The following NDUFA3 variants were observed in gnomAD, a reference collection of about 807,000 sequenced individuals.
NDUFA3 encodes the protein NADH dehydrogenase [ubiquinone] 1 alpha subcomplex subunit 3.
NDUFA3 carries 10 observed loss-of-function variants against 11.4 expected under a neutral mutation model. That is an observed-to-expected ratio of 0.87 (90% CI 0.54 to 1.48). The LOEUF is 1.48. Ranked by LOEUF, NDUFA3 falls within the 40% of genes most tolerant of loss-of-function variation. The pLI is 0.00. For missense variants in NDUFA3, 115 were observed against 110.5 expected (o/e 1.04, Z -0.18); for synonymous variants, 39 against 46.9 (o/e 0.83, Z 0.68).
intron 3 of NDUFA3, chr19:54,106,594 C>T: frequency 2.0e-6 from 1 of 488,008 alleles, no homozygotes; most frequent in Non-Finnish European, 3.6e-6. Flanking sequence ...GACCCTAGCT[C>T]TCTAGTGCGC....
In NDUFA3 at chr19:54,107,247, ATTTTGTTTTGC is replaced by A. The variant is rs2073296195; in HGVS notation, c.*350_*360del. Reference sequence around the variant, plus strand: ...CATCAGCTTCACCATTTTTGTTTTCATTTTGTTTTGCTTTTTAAAGAGACAGGGTCTCACTC... The same window carrying A: ...CATCAGCTTCACCATTTTTGTTTTCATTTTTAAAGAGACAGGGTCTCACTC... On this transcript the variant is annotated 3_prime_UTR_variant, in exon 4 of 4. Transcript: ENST00000485876. 1 of 1,565,108 alleles carries A rather than the reference ATTTTGTTTTGC, an allele frequency of 6.4e-7. No homozygotes were observed.
rs934504503 is a variant in NDUFA3 at position 54,107,043 on chromosome 19, G to A, written c.*141G>A. ...GGTGAGTGTGGGGTCAGTTTATTGGGCATGCGTCAGTCAGAGGCTGGGCTG... is the reference window on the plus strand; with the variant it reads ...GGTGAGTGTGGGGTCAGTTTATTGGACATGCGTCAGTCAGAGGCTGGGCTG... On this transcript the variant is annotated 3_prime_UTR_variant, in exon 4 of 4. Transcript: ENST00000485876. The A allele has an allele frequency of 3.7e-6, 6 of 1,613,240 alleles. No individual in the cohort carries two copies. Among genetic ancestry groups the A allele is most frequent in the Non-Finnish European group, 4.2e-6 (5 of 1,179,790 alleles).
chr19:54,106,837 C>G lies in NDUFA3; in HGVS notation c.190C>G (p.Pro64Ala). 3 of 1,613,526 alleles carry G rather than the reference C, an allele frequency of 1.9e-6. No individual in the cohort carries two copies. Among genetic ancestry groups the G allele is most frequent in the Non-Finnish European group, 2.5e-6 (3 of 1,179,856 alleles). Residue 64 changes from proline (P) to alanine (A), a missense_variant, in exon 4 of 4, where the codon CCC (proline) becomes GCC (alanine). Physicochemically the swap from Pro to Ala is conservative, Grantham distance 27. Transcript: ENST00000485876. ...PVPVRDDGNM[P>A]DVPSHPQDPQ... is the part of the protein sequence containing the mutation. ...GCCCGTCCGTGATGATGGGAACATG[C>G]CCGACGTGCCCAGCCACCCCCAGGA... is the stretch of plus-strand genomic sequence containing the variant.
chr19:54,104,357 T>C (rs1184163544), intron 2 of NDUFA3, among the ~76,000 whole-genome samples: 1 of 151,048 alleles, frequency 6.6e-6, no homozygotes, highest in African/African-American at 2.4e-5. Flanking sequence ...AGGCTGGTCT[T>C]GAACTCCTGA....
intron 2 of NDUFA3, among the ~76,000 whole-genome samples, chr19:54,104,483 T>C (rs1219686213): frequency 3.9e-5 from 6 of 152,108 alleles, no homozygotes; most frequent in African/African-American, 1.4e-4. Flanking sequence ...TTCTGCATTT[T>C]TGAAGAGTTC....
rs755146722 is a variant in NDUFA3 at position 54,107,162 on chromosome 19, A to G, written c.*260A>G. On this transcript the variant is annotated 3_prime_UTR_variant, in exon 4 of 4. Coordinates refer to ENST00000485876, the MANE Select transcript of NDUFA3 (RefSeq NM_004542.4). ...TGCTTCAAAGCCAAAGTCTTCCTCA[A>G]CCTTAATCTGCAGGAGATAAGGAAC... is the stretch of plus-strand genomic sequence containing the variant. 6.2e-7 allele frequency: 1 copy of G among 1,613,370 alleles called. No individual in the cohort carries two copies. The highest frequency in any genetic ancestry group is 1.1e-5 in the South Asian group (1 of 91,054).
chr19:54,107,205 G>T lies in NDUFA3; in HGVS notation c.*303G>T. 1.3e-6 allele frequency: 2 copies of T among 1,584,038 alleles called. No individual in the cohort carries two copies. The highest frequency in any genetic ancestry group is 1.7e-6 in the Non-Finnish European group (2 of 1,167,566). Reference sequence around the variant, plus strand: ...TAAGGAACAAGGTGTTAACAGGCCTGGGAATCTAGAAAATCCCATCAGCTT... The same window carrying T: ...TAAGGAACAAGGTGTTAACAGGCCTTGGAATCTAGAAAATCCCATCAGCTT... On this transcript the variant is annotated 3_prime_UTR_variant, in exon 4 of 4. Coordinates refer to ENST00000485876, the MANE Select transcript of NDUFA3 (RefSeq NM_004542.4).
chr19:54,104,857 G>T (rs1198824973), intron 2 of NDUFA3, among the ~76,000 whole-genome samples: 1 of 151,890 alleles, frequency 6.6e-6, no homozygotes, highest in South Asian at 2.1e-4. Flanking sequence ...TCCTGTCTCA[G>T]CCTCCTTAGT....
intron 2 of NDUFA3, 163 bp from the exon 3 acceptor site, chr19:54,105,771 T>C: frequency 1.4e-6 from 1 of 703,378 alleles, no homozygotes; most frequent in South Asian, 1.6e-5. Flanking sequence ...CCCTCCTGTC[T>C]ATAAGTAGGG....
rs576494595 is a variant in NDUFA3 at position 54,107,070 on chromosome 19, C to T, written c.*168C>T. On this transcript the variant is annotated 3_prime_UTR_variant, in exon 4 of 4. Coordinates refer to ENST00000485876, the MANE Select transcript of NDUFA3 (RefSeq NM_004542.4). The stretch of plus-strand genomic sequence containing the variant: ...ATGCGTCAGTCAGAGGCTGGGCTGG[C>T]CAGGGTCGGGTAGGGCAGCAGTTTG... 3.1e-6 allele frequency: 5 copies of T among 1,613,794 alleles called. No individual in the cohort carries two copies. In the Admixed American group the frequency reaches 8.3e-5, roughly 27 times the overall value.
In NDUFA3 at chr19:54,107,005, A is replaced by G; in HGVS notation, c.*103A>G. 2 of 1,607,276 alleles carry G rather than the reference A, an allele frequency of 1.2e-6. No individual in the cohort carries two copies. The highest frequency in any genetic ancestry group is 4.5e-5 in the East Asian group (2 of 44,724). ...TGTGTGATCAGAGGTGGGAACAAGT[A>G]GACGGTGGCCGGGGTGAGTGTGGGG... On this transcript the variant is annotated 3_prime_UTR_variant, in exon 4 of 4. Coordinates refer to ENST00000485876, the MANE Select transcript of NDUFA3 (RefSeq NM_004542.4).
Position 54,103,105 on chromosome 19 carries a change from C to A in NDUFA3, c.11-9C>A. 6.2e-7 allele frequency: 1 copy of A among 1,612,090 alleles called. No individual in the cohort carries two copies. Among genetic ancestry groups the A allele is most frequent in the Non-Finnish European group, 8.5e-7 (1 of 1,179,024 alleles). On this transcript the variant is annotated splice_polypyrimidine_tract_variant and intron_variant, in intron 1 of 3. Coordinates refer to ENST00000485876, the MANE Select transcript of NDUFA3 (RefSeq NM_004542.4). ...CTTGCAGGGGTGACGCTTCTTGCCACCCCTTCAGGAGTCGGCGCCTTCCTC... is the reference window on the plus strand; with the variant it reads ...CTTGCAGGGGTGACGCTTCTTGCCAACCCTTCAGGAGTCGGCGCCTTCCTC...
intron 2 of NDUFA3, among the ~76,000 whole-genome samples, chr19:54,103,466 ATCC>A (rs1422498834): frequency 1.3e-5 from 2 of 151,912 alleles, no homozygotes; most frequent in African/African-American, 4.8e-5. Flanking sequence ...AAAAGTCCAG[ATCC>A]TCCTCCTCCT....
rs369757230 is a variant in NDUFA3 at position 54,107,078 on chromosome 19, G to A, written c.*176G>A. On this transcript the variant is annotated 3_prime_UTR_variant, in exon 4 of 4. Transcript: ENST00000485876. ...GTCAGAGGCTGGGCTGGCCAGGGTC[G>A]GGTAGGGCAGCAGTTTGTCTGGACC... The A allele has an allele frequency of 1.9e-5, 31 of 1,613,766 alleles. No homozygotes were observed. Among genetic ancestry groups the A allele is most frequent in the African/African-American group, 4.0e-5 (3 of 74,870 alleles).
At chr19:54,106,344 T>C (rs2073259738) in intron 3 of NDUFA3, 1 of 393,610 alleles carries the variant, frequency 2.5e-6, no homozygotes, top group African/African-American at 2.1e-5. Flanking sequence ...CTTTTTCGTA[T>C]TTTTTTAGTA....
chr19:54,105,847 T>G, intron 2 of NDUFA3, 87 bp from the exon 3 acceptor site: 1 of 1,208,352 alleles, frequency 8.3e-7, no homozygotes, highest in Non-Finnish European at 1.2e-6. Flanking sequence ...CCTGCGCACT[T>G]TATCTTCCCT....
chr19:54,103,244 C>T (rs995571365), intron 2 of NDUFA3, 56 bp downstream of exon 2: 3 of 1,515,914 alleles, frequency 2.0e-6, no homozygotes, highest in Admixed American at 2.0e-5. Context: ...CCCCTACATC[C>T]CTCCATCTTG....
At chr19:54,106,086 G>T (rs768566560) in intron 3 of NDUFA3, 75 bp downstream of exon 3, 1 of 1,420,338 alleles carries the variant, frequency 7.0e-7, no homozygotes, top group South Asian at 1.2e-5. Flanking sequence ...GTTATGGGCA[G>T]GTCTTTCCTA....
chr19:54,104,728 G>GA (rs2073203937), intron 2 of NDUFA3, among the ~76,000 whole-genome samples: 1 of 112,262 alleles, frequency 8.9e-6, no homozygotes. Flanking sequence ...ATGTACTATG[G>GA]TTTTTTTTGT....
Sources: allele counts gnomAD v4.1 joint callset (sites outside exome capture counted in the v4.1 genomes callset), GRCh38; gene constraint gnomAD v4.1.1; transcripts MANE v1.5; gene names NCBI Gene and HGNC (gene_info 2026-07-23, HGNC 2026-07-21).